MEP1A: variants seen among roughly 807,000 people sequenced by gnomAD.
MEP1A encodes meprin A subunit alpha.
MEP1A carries 68 observed loss-of-function variants against 84.5 expected under a neutral mutation model. The ratio of observed to expected loss-of-function variants is 0.80; its 90% CI spans 0.66 to 0.98. MEP1A has a LOEUF of 0.98. Among genes scored for constraint, MEP1A ranks in the 50% least tolerant of loss-of-function variants. MEP1A has a pLI of 0.00. For synonymous variants in MEP1A, 337 were observed against 336.8 expected, an observed-to-expected ratio of 1.00 and a Z score of -0.01; for missense variants, 887 against 919.9, an observed-to-expected ratio of 0.96 and a Z score of 0.46.
chr6:46,826,596 A>G, intron 9 of MEP1A, 93 bp downstream of exon 9: 3 of 1,148,838 alleles, frequency 2.6e-6, no homozygotes, highest in Non-Finnish European at 3.5e-6. Context: ...TCAGAATGTT[A>G]GTTATCAAAC....
chr6:46,805,637 C>T (rs1767295274), intron 5 of MEP1A, among the ~76,000 whole-genome samples: 1 of 151,842 alleles, frequency 6.6e-6, no homozygotes, highest in Non-Finnish European at 1.5e-5. Context: ...ATCTTTCAAA[C>T]TTTCATATTA....
intron 8 of MEP1A, among the ~76,000 whole-genome samples, 176 bp downstream of exon 8, chr6:46,825,669 C>T (rs919151419): frequency 7.3e-6 from 1 of 136,638 alleles, no homozygotes; most frequent in African/African-American, 2.5e-5. Flanking sequence ...TAAGTATTGT[C>T]TATGGCTGTT....
At chr6:46,836,973 A>G (rs1270367312) in intron 13 of MEP1A, among the ~76,000 whole-genome samples, 1 of 152,126 alleles carries the variant, frequency 6.6e-6, no homozygotes, top group Admixed American at 6.5e-5. Context: ...CAGCATGTCC[A>G]CCAGGCCTCT....
intron 9 of MEP1A, 88 bp from the exon 10 acceptor site, chr6:46,829,268 T>A: frequency 9.6e-7 from 1 of 1,043,182 alleles, no homozygotes; most frequent in South Asian, 1.3e-5. Context: ...GGACAATGGC[T>A]GTGGTTCACT....
At chr6:46,832,866 A>G (rs1768106670) in intron 10 of MEP1A, among the ~76,000 whole-genome samples, 1 of 152,244 alleles carries the variant, frequency 6.6e-6, no homozygotes. Context: ...AAAATAAATC[A>G]TAGTATTTTA....
At chr6:46,829,327 C>T (rs1371542344) in intron 9 of MEP1A, 29 bp from the exon 10 acceptor site, 2 of 1,593,424 alleles carry the variant, frequency 1.3e-6, no homozygotes, top group East Asian at 2.2e-5. Flanking sequence ...GGAAGCCAGA[C>T]GTGTGATGTT....
At chr6:46,800,763 C>T (rs999427151) in intron 5 of MEP1A, among the ~76,000 whole-genome samples, 3 of 152,144 alleles carry the variant, frequency 2.0e-5, no homozygotes, top group African/African-American at 7.2e-5. Flanking sequence ...CTATATAATG[C>T]ACACTTCCAT....
intron 7 of MEP1A, among the ~76,000 whole-genome samples, chr6:46,820,727 G>C (rs1767751637): frequency 6.6e-6 from 1 of 151,968 alleles, no homozygotes; most frequent in South Asian, 2.1e-4. Context: ...ATGAAGTAGA[G>C]TGCTTTTGAG....
chr6:46,837,770 G>T (rs1768246133), intron 13 of MEP1A, among the ~76,000 whole-genome samples: 1 of 152,064 alleles, frequency 6.6e-6, no homozygotes, highest in Non-Finnish European at 1.5e-5. Flanking sequence ...AGAGGACTGG[G>T]TCAGAAAAAA....
chr6:46,812,681 T>A (rs568187992), intron 6 of MEP1A, among the ~76,000 whole-genome samples: 1 of 152,072 alleles, frequency 6.6e-6, no homozygotes. Flanking sequence ...TATCATTCAG[T>A]CCAAAATTTT....
intron 7 of MEP1A, among the ~76,000 whole-genome samples, chr6:46,822,990 C>T (rs1222541658): frequency 6.6e-6 from 1 of 152,140 alleles, no homozygotes; most frequent in African/African-American, 2.4e-5. Flanking sequence ...CATCCTAGGA[C>T]CAAGTACTCT....
At chr6:46,837,895 AT>A (rs111794847) in intron 13 of MEP1A, among the ~76,000 whole-genome samples, 5,741 of 143,328 alleles carry the variant, frequency 0.04, 290 homozygotes, top group African/African-American at 0.12. Context: ...CTGACTTCTT[AT>A]TTTTTTTTTT....
chr6:46,815,264 T>G (rs1767608337), intron 6 of MEP1A, among the ~76,000 whole-genome samples: 1 of 152,164 alleles, frequency 6.6e-6, no homozygotes, highest in Non-Finnish European at 1.5e-5. Context: ...GGGCTTGCTG[T>G]GGCTGTTGTG....
At chr6:46,838,525 G>T (rs1406338257) in intron 13 of MEP1A, among the ~76,000 whole-genome samples, 2 of 152,194 alleles carry the variant, frequency 1.3e-5, no homozygotes, top group Non-Finnish European at 2.9e-5. Flanking sequence ...TTATTTAGAA[G>T]TTTTTAAGTT....
intron 7 of MEP1A, among the ~76,000 whole-genome samples, chr6:46,820,343 T>C (rs572656517): frequency 7.4e-4 from 112 of 152,198 alleles, no homozygotes; most frequent in Non-Finnish European, 1.3e-3. Context: ...AGTTTTGTCT[T>C]ACGTATTATT....
Position 46,833,447 on chromosome 6 carries a change from G to T in MEP1A, c.1518G>T (p.Val506=). ...AGTGGCCGGTAGAAAACAGACAGGT[G>T]ATAATTACCATCCTTGACCAGGAGC... ...ILEWPVENRQ[V]IITILDQEPD... Residue 506 remains valine (V), a synonymous_variant, in exon 11 of 14, where the codon GTG becomes GTT. Coordinates refer to ENST00000230588, the MANE Select transcript of MEP1A (RefSeq NM_005588.3). The T allele has an allele frequency of 6.2e-7, 1 of 1,614,182 alleles. No homozygotes were observed. The highest frequency in any genetic ancestry group is 8.5e-7 in the Non-Finnish European group (1 of 1,180,034).
chr6:46,818,802 TGTTC>T (rs1332610053), intron 6 of MEP1A, among the ~76,000 whole-genome samples: 1 of 152,194 alleles, frequency 6.6e-6, no homozygotes, highest in Admixed American at 6.5e-5. Context: ...AATATATGCT[TGTTC>T]ATTATAGGAA....
chr6:46,806,034 T>C lies in MEP1A; in HGVS notation c.263-3386T>C, dbSNP rs1328961. Among the ~76,000 whole-genome samples the C allele has an allele frequency of 3.0e-4, 46 of 152,174 alleles. 1 individual carries two copies. The East Asian group carries it at 7.3e-3, about 24-fold the overall frequency. ...AGTGAATTTTTTATTTTTGATATAA[T>C]ACTGATAGAATTTTCATTGGGTTCT... On this transcript the variant is annotated intron_variant, in intron 5 of 13. Transcript: ENST00000230588.
rs373814374 is a variant in MEP1A at position 46,828,236 on chromosome 6, G to GTTT, written c.929-1108_929-1106dup. On this transcript the variant is annotated intron_variant, in intron 9 of 13. Transcript: ENST00000230588. ...AGAAACCTTTATAGCCTTGTGCGCT[G>GTTT]TTTTTTTTTTTTTTCTAACCCAGGC... Among the ~76,000 whole-genome samples the GTTT allele has an allele frequency of 6.4e-3, 911 of 142,638 alleles. 12 individuals carry two copies. Among genetic ancestry groups the GTTT allele is most frequent in the South Asian group, 0.036 (163 of 4,494 alleles). 93.6% of individuals were successfully genotyped at this position (142,638 alleles called of 152,430 possible). A position where few individuals can be genotyped will look rare whatever the true frequency, so the allele number is the denominator to read the frequency against.
Sources: allele counts gnomAD v4.1 joint callset (sites outside exome capture counted in the v4.1 genomes callset), GRCh38; gene constraint gnomAD v4.1.1; transcripts MANE v1.5; gene names NCBI Gene and HGNC (gene_info 2026-07-23, HGNC 2026-07-21).